ANKRD28: variants seen among roughly 807,000 people sequenced by gnomAD.
The protein encoded by ANKRD28 is ankyrin repeat domain 28, also known as serine/threonine-protein phosphatase 6 regulatory ankyrin repeat subunit A.
A neutral mutation model predicts 126.5 loss-of-function variants in ANKRD28; 44 were observed. That is an observed-to-expected ratio of 0.35 (90% confidence interval 0.27 to 0.45). ANKRD28 has a LOEUF of 0.45. Ranked by LOEUF, ANKRD28 falls within the 20% of genes least tolerant of loss-of-function variation. The pLI, the probability that ANKRD28 is intolerant of heterozygous loss-of-function variation, is 1.00. For missense variants in ANKRD28, 1,110 were observed against 1,316.6 expected (o/e 0.84, Z 2.43); for synonymous variants, 442 against 468.5 (o/e 0.94, Z 0.73).
chr3:15,772,109 T>C (rs74954232), intron 2 of ANKRD28, among the ~76,000 whole-genome samples: 15,980 of 152,150 alleles, frequency 0.11, 1,071 homozygotes, highest in East Asian at 0.2. Flanking sequence ...ATATTAAATG[T>C]TTGTATCAGA....
chr3:15,832,281 AT>A (rs1015516993), intron 1 of ANKRD28, among the ~76,000 whole-genome samples: 5 of 152,190 alleles, frequency 3.3e-5, no homozygotes, highest in Non-Finnish European at 7.4e-5. Flanking sequence ...AAGTGAAAAT[AT>A]TATTTTGCAT....
intron 14 of ANKRD28, among the ~76,000 whole-genome samples, chr3:15,698,228 T>C (rs1464752451): frequency 6.6e-6 from 1 of 152,182 alleles, no homozygotes; most frequent in Admixed American, 6.5e-5. Flanking sequence ...TAGGTATTGA[T>C]GGAATGTATC....
chr3:15,729,974 G>A (rs890463361), intron 6 of ANKRD28, among the ~76,000 whole-genome samples: 1 of 151,990 alleles, frequency 6.6e-6, no homozygotes, highest in Non-Finnish European at 1.5e-5. Flanking sequence ...CTGCAGCCTC[G>A]ACCTCCTGGG....
At chr3:15,754,290 T>G (rs76711703) in intron 3 of ANKRD28, among the ~76,000 whole-genome samples, 6,220 of 152,262 alleles carry the variant, frequency 0.041, 412 homozygotes, top group African/African-American at 0.14. Context: ...CATCGTATCT[T>G]GCATATGCCA....
At chr3:15,742,595 G>A (rs1180394768) in intron 4 of ANKRD28, among the ~76,000 whole-genome samples, 1,016 of 29,800 alleles carry the variant, frequency 0.034, 24 homozygotes, top group African/African-American at 0.13. Context: ...CACCCCATCC[G>A]GGAGGGAGGT....
intron 17 of ANKRD28, among the ~76,000 whole-genome samples, chr3:15,692,100 A>G (rs1048365572): frequency 2.7e-5 from 4 of 150,048 alleles, no homozygotes; most frequent in Non-Finnish European, 5.9e-5. Context: ...GGAATGCACC[A>G]CTGCAACCCA....
chr3:15,705,218 A>C (rs547882291), intron 14 of ANKRD28, among the ~76,000 whole-genome samples: 1 of 152,332 alleles, frequency 6.6e-6, no homozygotes, highest in South Asian at 2.1e-4. Flanking sequence ...CAGTAAGAAA[A>C]CTAGTGATTT....
At chr3:15,725,054 A>G (rs1232095733) in intron 6 of ANKRD28, among the ~76,000 whole-genome samples, 1 of 152,206 alleles carries the variant, frequency 6.6e-6, no homozygotes, top group Non-Finnish European at 1.5e-5. Context: ...TAGTAATTAA[A>G]AAGAATGTTG....
At chr3:15,806,833 C>T (rs937801730) in intron 1 of ANKRD28, among the ~76,000 whole-genome samples, 10 of 152,120 alleles carry the variant, frequency 6.6e-5, no homozygotes, top group African/African-American at 2.4e-4. Flanking sequence ...ATCATGACAT[C>T]TTAATGGGCC....
chr3:15,770,744 A>G (rs2058959361), intron 2 of ANKRD28, among the ~76,000 whole-genome samples: 1 of 152,224 alleles, frequency 6.6e-6, no homozygotes, highest in East Asian at 1.9e-4. Flanking sequence ...TCTTAATTCA[A>G]TCTCCCGGAA....
intron 7 of ANKRD28, 139 bp from the exon 8 acceptor site, chr3:15,721,266 A>G: frequency 5.6e-6 from 4 of 715,252 alleles, no homozygotes; most frequent in Non-Finnish European, 9.3e-6. Context: ...GATAAGGCTT[A>G]TAATTCTAAA....
intron 24 of ANKRD28, among the ~76,000 whole-genome samples, 187 bp downstream of exon 24, chr3:15,678,022 C>T (rs569893209): frequency 2.6e-5 from 4 of 152,150 alleles, no homozygotes; most frequent in Non-Finnish European, 5.9e-5. Context: ...GTAAAGTAGA[C>T]TCCTCAATAG....
At chr3:15,674,667 T>C (rs2066752763) in intron 27 of ANKRD28, among the ~76,000 whole-genome samples, 2 of 152,002 alleles carry the variant, frequency 1.3e-5, no homozygotes, top group African/African-American at 2.4e-5. Context: ...AGGGAGTCAA[T>C]GTAGATAGAG....
intron 2 of ANKRD28, among the ~76,000 whole-genome samples, chr3:15,770,665 A>G (rs563748630): frequency 6.6e-6 from 1 of 152,006 alleles, no homozygotes; most frequent in South Asian, 2.1e-4. Context: ...ACTTTTTTTC[A>G]TGGTAGGGAA....
chr3:15,850,204 A>AATATAT (rs1226795631), intron 1 of ANKRD28, among the ~76,000 whole-genome samples: 30 of 54,818 alleles, frequency 5.5e-4, no homozygotes, highest in African/African-American at 1.2e-3. Context: ...AAAAAAAAAA[A>AATATAT]ATATATATAT....
chr3:15,831,296 C>A (rs545257792), intron 1 of ANKRD28, among the ~76,000 whole-genome samples: 1 of 152,220 alleles, frequency 6.6e-6, no homozygotes, highest in Non-Finnish European at 1.5e-5. Context: ...ACACAAGACA[C>A]TGTTTTGCCC....
At chr3:15,711,973 G>C (rs1265172770) in intron 11 of ANKRD28, among the ~76,000 whole-genome samples, 167 bp downstream of exon 11, 4 of 151,996 alleles carry the variant, frequency 2.6e-5, no homozygotes, top group Admixed American at 1.3e-4. Context: ...TGGGATTACA[G>C]GCATGAGCCA....
At chr3:15,675,742 T>C (rs2066868708) in intron 27 of ANKRD28, among the ~76,000 whole-genome samples, 156 bp downstream of exon 27, 1 of 152,242 alleles carries the variant, frequency 6.6e-6, no homozygotes, top group South Asian at 2.1e-4. Context: ...TTTTCCTATT[T>C]CTTTTGCCCT....
intron 1 of ANKRD28, among the ~76,000 whole-genome samples, chr3:15,848,696 G>A (rs1237514947): frequency 6.6e-6 from 1 of 151,556 alleles, no homozygotes; most frequent in Non-Finnish European, 1.5e-5. Context: ...AAATATAGCA[G>A]CAGCTAACAA....
Sources: allele counts gnomAD v4.1 joint callset (sites outside exome capture counted in the v4.1 genomes callset), GRCh38; gene constraint gnomAD v4.1.1; transcripts MANE v1.5; gene names NCBI Gene and HGNC (gene_info 2026-07-23, HGNC 2026-07-21).